Variants in PSD observed in about 807,000 individuals in gnomAD.
PSD encodes the protein PH and SEC7 domain-containing protein 1.
Under a neutral mutation model 91.6 loss-of-function variants are expected in PSD, and 32 were observed. That is an observed-to-expected ratio of 0.35 (90% CI 0.26 to 0.47). The LOEUF (loss-of-function observed/expected upper bound fraction) is 0.47, where lower values mean the gene tolerates loss of function less well. Among genes scored for constraint, PSD ranks in the 20% least tolerant of loss-of-function variants. The probability of loss-of-function intolerance (pLI) is 1.00; values close to 1 mark genes in which losing one functional copy is unlikely to be tolerated. For missense variants in PSD, 1,099 were observed against 1,373.9 expected (o/e 0.80, Z 3.16); for synonymous variants, 532 against 569.3 (o/e 0.93, Z 0.93).
chr10:102,416,478 G>A lies in PSD; in HGVS notation c.561C>T (p.Gly187=). The part of the protein sequence containing the change: ...PPAPPQVGAD[G]LYSSLPNGLG... Reference sequence around the variant, plus strand: ...GCCCATTGGGGAGAGAGGAGTAAAGGCCATCTGCTCCAACCTGGGGTGGGG... The same window carrying A: ...GCCCATTGGGGAGAGAGGAGTAAAGACCATCTGCTCCAACCTGGGGTGGGG... The change falls in exon 2 of 17, where the codon GGC becomes GGT. Residue 187 remains glycine, a synonymous_variant. Transcript: ENST00000020673. This position sits in a 1 kb window ranked among gnomAD's most constrained non-coding sequence, Gnocchi z 6.0. 6.2e-7 allele frequency: 1 copy of A among 1,613,596 alleles called. No individual in the cohort carries two copies. Among genetic ancestry groups the A allele is most frequent in the Middle Eastern group, 1.7e-4 (1 of 6,060 alleles).
Position 102,410,955 on chromosome 10 carries a change from A to C in PSD, c.2002-8T>G. 1 of 1,612,984 alleles carries C rather than the reference A, an allele frequency of 6.2e-7. No homozygotes were observed. Among genetic ancestry groups the C allele is most frequent in the Non-Finnish European group, 8.5e-7 (1 of 1,178,970 alleles). On this transcript the variant is annotated splice_region_variant and splice_polypyrimidine_tract_variant and intron_variant, in intron 9 of 16. Coordinates refer to ENST00000020673, the MANE Select transcript of PSD (RefSeq NM_002779.5). This position sits in a 1 kb window ranked among gnomAD's most constrained non-coding sequence, Gnocchi z 6.0. ...CATGCGCTTCCCGATGTTCTAAGGA[A>C]GGGAACGGAGGCCTGTGAGTTTGGA...
rs2061401667 is a variant in PSD, at chr10:102,409,365, A to G, written c.2091+1493T>C. On this transcript the variant is annotated intron_variant, in intron 10 of 16. Transcript: ENST00000020673. This position sits in a 1 kb window ranked among gnomAD's most constrained non-coding sequence, Gnocchi z 5.7. The stretch of plus-strand genomic sequence containing the variant: ...GGACCGCATGAAATGGAGGCGCCCG[A>G]TCGCGAAGGGGGCCCTCCCCGCGCG... The G allele has an allele frequency of 4.1e-6, 4 of 984,834 alleles. No individual in the cohort carries two copies. Among genetic ancestry groups the G allele is most frequent in the South Asian group, 4.7e-5 (1 of 21,350 alleles). The allele number at this position is 984,834 out of a possible 1,614,324, so 61.0% of individuals were successfully genotyped here.
At position 102,416,824 on chromosome 10, in the gene PSD, C is replaced by G. The variant is rs762725922; in HGVS notation, c.215G>C (p.Gly72Ala). The change falls in exon 2 of 17, where the codon GGC becomes GCC. Residue 72 changes from glycine (G) to alanine (A), a missense_variant. Gly to Ala is a moderately conservative substitution (Grantham distance 60). This residue lies in a region of PSD where 631 missense variants were observed against 728.8 expected (regional missense o/e 0.87). Transcript: ENST00000020673. This position sits in a 1 kb window ranked among gnomAD's most constrained non-coding sequence, Gnocchi z 6.0. Reference sequence around the variant, plus strand: ...GGGAGCAACACGGGGTGAGGGGGGGCCACGCAGAGGTGTACAGGGTGCTGT... The same window carrying G: ...GGGAGCAACACGGGGTGAGGGGGGGGCACGCAGAGGTGTACAGGGTGCTGT... ...RVTAPCTPLR[G>A]PPSPRVAPSP... is the part of the protein sequence containing the mutation. 15 of 1,597,902 alleles carry G rather than the reference C, an allele frequency of 9.4e-6. No individual in the cohort carries two copies. The East Asian group carries it at 3.4e-4, about 36-fold the overall frequency.
rs1465705303 is a variant in PSD at position 102,413,976 on chromosome 10, G to A, written c.1346C>T (p.Pro449Leu). ...AGCTGGTGGGTCGGGCCGGGGTGCA[G>A]GGGGTTGGGGAGGCAGCTCAAAGGT... The part of the protein sequence containing the change: ...FFTFELPPQP[P>L]APRPDPPAPA... The change falls in exon 5 of 17, where the codon CCT becomes CTT. Residue 449 changes from proline (P) to leucine (L), a missense_variant. Around this residue, in one of 3 missense-constraint regions of PSD, gnomAD observed 631 missense variants for 728.8 expected, o/e 0.87. Coordinates refer to ENST00000020673, the MANE Select transcript of PSD (RefSeq NM_002779.5). The A allele has an allele frequency of 6.2e-7, 1 of 1,613,864 alleles. No individual in the cohort carries two copies. The highest frequency in any genetic ancestry group is 8.5e-7 in the Non-Finnish European group (1 of 1,179,870).
Position 102,415,546 on chromosome 10 carries a change from C to A in PSD, c.758-317G>T, listed in dbSNP as rs148285971. Among the ~76,000 whole-genome samples the A allele has an allele frequency of 2.2e-4, 34 of 152,270 alleles. 2 individuals are homozygous for A. The East Asian group carries it at 6.6e-3, about 29-fold the overall frequency. On this transcript the variant is annotated intron_variant, in intron 3 of 16. Coordinates refer to ENST00000020673, the MANE Select transcript of PSD (RefSeq NM_002779.5). ...GAAGTGCAGTGGTGCAATCATAACT[C>A]ACTGCAGCCTTGACTGCCTGGACTC...
rs994094711 is a variant in PSD, at chr10:102,403,394, C to G, written c.2881G>C (p.Val961Leu). ...TCCTCACTGCCTGCCTTCAGCTTGACCCGAAGCAGCGCTGCATAGGTGCTG... is the reference window on the plus strand; with the variant it reads ...TCCTCACTGCCTGCCTTCAGCTTGAGCCGAAGCAGCGCTGCATAGGTGCTG... ...RYSTYAALLR[V>L]KLKAGSEELD... Residue 961 changes from valine to leucine, a missense_variant, in exon 17 of 17, where the codon GTC becomes CTC. Physicochemically the swap from Val to Leu is conservative, Grantham distance 32. Around this residue, in one of 3 missense-constraint regions of PSD, gnomAD observed 358 missense variants for 426.5 expected, o/e 0.84. Coordinates refer to ENST00000020673, the MANE Select transcript of PSD (RefSeq NM_002779.5). The surrounding 1 kb of genome is among the most constrained non-coding windows in gnomAD (Gnocchi z 6.7). 4.3e-6 allele frequency: 7 copies of G among 1,613,190 alleles called. No individual in the cohort carries two copies. The African/African-American group carries it at 9.3e-5, about 22-fold the overall frequency.
At chr10:102,415,364 T>C (rs2061467187) in intron 3 of PSD, 135 bp from the exon 4 acceptor site, 3 of 1,084,754 alleles carry the variant, frequency 2.8e-6, no homozygotes, top group Non-Finnish European at 3.7e-6. Flanking sequence ...TTCCTCCTGC[T>C]ACATACTTAG....
Position 102,415,042 on chromosome 10 carries a change from G to T in PSD, c.945C>A (p.Ile315=). ...GGCCCTCAGAGCTGGGCTGACTTTC[G>T]ATGGCCGAGTCGGCCTCCTCCCGCT... is the stretch of plus-strand genomic sequence containing the variant. The part of the protein sequence containing the change: ...LAEREEADSA[I]ESQPSSEGPP... Residue 315 remains isoleucine (I), a synonymous_variant, in exon 4 of 17, where the codon ATC becomes ATA. Transcript: ENST00000020673. The T allele has an allele frequency of 6.2e-7, 1 of 1,613,884 alleles. No homozygotes were observed. The highest frequency in any genetic ancestry group is 8.5e-7 in the Non-Finnish European group (1 of 1,179,892).
At chr10:102,418,004 C>A (rs1048738889) in intron 1 of PSD, among the ~76,000 whole-genome samples, 1 of 152,024 alleles carries the variant, frequency 6.6e-6, no homozygotes, top group African/African-American at 2.4e-5. Flanking sequence ...CCACCGCACC[C>A]GGCCAGGGAC....
chr10:102,409,246 T>C lies in PSD; in HGVS notation c.2091+1612A>G. 3.1e-6 allele frequency: 3 copies of C among 983,310 alleles called. No homozygotes were observed. The highest frequency in any genetic ancestry group is 3.6e-6 in the Non-Finnish European group (3 of 829,228). The allele number at this position is 983,310 out of a possible 1,614,324, so 60.9% of individuals were successfully genotyped here. On this transcript the variant is annotated intron_variant, in intron 10 of 16. Coordinates refer to ENST00000020673, the MANE Select transcript of PSD (RefSeq NM_002779.5). This position sits in a 1 kb window ranked among gnomAD's most constrained non-coding sequence, Gnocchi z 5.7. Reference sequence around the variant, plus strand: ...GCCCGGCTCTCACGGACGCACGGAGTGCGCGGCGGCGGCGGCGGCGCTGTC... The same window carrying C: ...GCCCGGCTCTCACGGACGCACGGAGCGCGCGGCGGCGGCGGCGGCGCTGTC...
intron 1 of PSD, among the ~76,000 whole-genome samples, 168 bp downstream of exon 1, chr10:102,418,533 C>T (rs1174810923): frequency 2.0e-5 from 3 of 152,066 alleles, no homozygotes; most frequent in Admixed American, 6.5e-5. Flanking sequence ...AGGGGTAAGA[C>T]AGATCCCGCC....
Position 102,409,130 on chromosome 10 carries a change from C to T in PSD, c.2091+1728G>A, listed in dbSNP as rs992281861. ...GGCGCGCCGCGGCCCCCGGCCATGC[C>T]CCCGTCCGCCCTCGGCCCCCGGGCC... On this transcript the variant is annotated intron_variant, in intron 10 of 16. Transcript: ENST00000020673. This position sits in a 1 kb window ranked among gnomAD's most constrained non-coding sequence, Gnocchi z 5.7. 1.6e-5 allele frequency: 16 copies of T among 981,122 alleles called. No individual in the cohort carries two copies. Among genetic ancestry groups the T allele is most frequent in the Non-Finnish European group, 1.8e-5 (15 of 828,506 alleles). The allele number at this position is 981,122 out of a possible 1,614,324, so 60.8% of individuals were successfully genotyped here.
At chr10:102,415,612 T>C (rs986988758) in intron 3 of PSD, among the ~76,000 whole-genome samples, 7 of 152,256 alleles carry the variant, frequency 4.6e-5, no homozygotes, top group Admixed American at 4.6e-4. Flanking sequence ...GCTAGGACTA[T>C]AGGTGCACAC....
At position 102,413,963 on chromosome 10, in the gene PSD, G is replaced by A. The variant is rs745853601; in HGVS notation, c.1359C>T (p.Pro453=). 1.8e-5 allele frequency: 29 copies of A among 1,613,824 alleles called. No individual in the cohort carries two copies. The highest frequency in any genetic ancestry group is 1.5e-4 in the South Asian group (14 of 91,094). The change falls in exon 5 of 17, where the codon CCC becomes CCT. Residue 453 remains proline, a synonymous_variant. Coordinates refer to ENST00000020673, the MANE Select transcript of PSD (RefSeq NM_002779.5). ...CAAGTGGGGCGGGAGCTGGTGGGTC[G>A]GGCCGGGGTGCAGGGGGTTGGGGAG... ...ELPPQPPAPR[P]DPPAPAPLAP...
Position 102,409,301 on chromosome 10 carries a change from G to C in PSD, c.2091+1557C>G. The C allele has an allele frequency of 1.0e-6, 1 of 985,468 alleles. No individual in the cohort carries two copies. Among genetic ancestry groups the C allele is most frequent in the Non-Finnish European group, 1.2e-6 (1 of 829,646 alleles). The allele number at this position is 985,468 out of a possible 1,614,324, so 61.0% of individuals were successfully genotyped here. ...CTGCGGCTTGGCTAGAGCGGGAGGG[G>C]GGCGCCGACGGGAAAGGGAGGGCGA... On this transcript the variant is annotated intron_variant, in intron 10 of 16. Transcript: ENST00000020673. This position sits in a 1 kb window ranked among gnomAD's most constrained non-coding sequence, Gnocchi z 5.7.
chr10:102,404,214 G>A lies in PSD; in HGVS notation c.2701-229C>T, dbSNP rs1419595383. 6.6e-5 allele frequency among the ~76,000 whole-genome samples: 10 copies of A among 152,162 alleles called. No homozygotes were observed. The highest frequency in any genetic ancestry group is 1.3e-4 in the Non-Finnish European group (9 of 68,024). ...ATATAAAAAATTAGCCAGGCGTGGT[G>A]GCAGGTGCCTGTAGTCCCAGCTACT... On this transcript the variant is annotated intron_variant, in intron 15 of 16. Transcript: ENST00000020673. The surrounding 1 kb of genome is among the most constrained non-coding windows in gnomAD (Gnocchi z 5.7).
At chr10:102,411,939 A>C (rs2135456816) in intron 7 of PSD, 120 bp from the exon 8 acceptor site, 2 of 892,756 alleles carry the variant, frequency 2.2e-6, no homozygotes, top group East Asian at 2.5e-5. Flanking sequence ...GAGAAAGGGG[A>C]TGAGGGTATG....
chr10:102,418,189 G>A (rs1383667035), intron 1 of PSD, among the ~76,000 whole-genome samples: 1 of 151,342 alleles, frequency 6.6e-6, no homozygotes, highest in Non-Finnish European at 1.5e-5. Context: ...CACACACACT[G>A]CTCAAAGACA....
At position 102,409,529 on chromosome 10, in the gene PSD, G is replaced by A. The variant is rs2061403869; in HGVS notation, c.2091+1329C>T. Among the ~76,000 whole-genome samples, 1 of 152,114 alleles carries A rather than the reference G, an allele frequency of 6.6e-6. No homozygotes were observed. The highest frequency in any genetic ancestry group is 1.5e-5 in the Non-Finnish European group (1 of 67,992). ...CTTCTGGCTGGTCTGGGTTGGGGTGGTGGGAGGGGAGAGGTCGGACCGCTT... is the reference window on the plus strand; with the variant it reads ...CTTCTGGCTGGTCTGGGTTGGGGTGATGGGAGGGGAGAGGTCGGACCGCTT... On this transcript the variant is annotated intron_variant, in intron 10 of 16. Transcript: ENST00000020673. The surrounding 1 kb of genome is among the most constrained non-coding windows in gnomAD (Gnocchi z 5.7).
Sources: gnomAD v4.1 joint callset for allele counts (sites outside exome capture counted in the v4.1 genomes callset) on GRCh38, gnomAD v4.1.1 for gene constraint, gnomAD v4.1.1 regional missense constraint, Gnocchi (gnomAD v3.1) non-coding constraint, MANE v1.5 for transcripts, NCBI Gene and HGNC (gene_info 2026-07-23, HGNC 2026-07-21) for gene names.